MECOM: variants seen among roughly 807,000 people sequenced by gnomAD.
MECOM encodes MDS1 and EVI1 complex locus.
MECOM carries 13 observed loss-of-function variants against 116.3 expected under a neutral mutation model. That is an observed-to-expected ratio of 0.11 (90% CI 0.07 to 0.18). The LOEUF is 0.18. MECOM is among the 10% of genes least tolerant of loss of function. The pLI, the probability that MECOM is intolerant of heterozygous loss-of-function variation, is 1.00. For synonymous variants in MECOM, 528 were observed against 535.2 expected (o/e 0.99, Z 0.19); for missense variants, 1,299 against 1,509.0 (o/e 0.86, Z 2.31).
rs186737573 is a variant in MECOM at position 169,332,235 on chromosome 3, G to A, written c.375+48952C>T. 7.5e-3 allele frequency among the ~76,000 whole-genome samples: 1,144 copies of A among 152,134 alleles called. 5 individuals are homozygous for A. The highest frequency in any genetic ancestry group is 0.011 in the Non-Finnish European group (758 of 67,980). Reference sequence around the variant, plus strand: ...GAGTCTGGGGCTTTCATTATTCAGGGAAAAGGAGGGAAGAAGGAAAGGGGA... The same window carrying A: ...GAGTCTGGGGCTTTCATTATTCAGGAAAAAGGAGGGAAGAAGGAAAGGGGA... On this transcript the variant is annotated intron_variant, in intron 2 of 16. Coordinates refer to ENST00000651503, the MANE Select transcript of MECOM (RefSeq NM_004991.4).
In MECOM at chr3:169,209,402, A is replaced by C. The variant is rs375698661; in HGVS notation, c.376-65570T>G. 7.2e-5 allele frequency among the ~76,000 whole-genome samples: 11 copies of C among 152,352 alleles called. No homozygotes were observed. In the East Asian group the frequency reaches 2.1e-3, roughly 29 times the overall value. ...CTTCTACACAGCAAAAGAAACTGTC[A>C]TCAGAGTGAACAGGCAACCTACAGA... On this transcript the variant is annotated intron_variant, in intron 2 of 16. Coordinates refer to ENST00000651503, the MANE Select transcript of MECOM (RefSeq NM_004991.4).
chr3:169,411,395 T>C (rs1737532723), intron 1 of MECOM, among the ~76,000 whole-genome samples: 1 of 152,224 alleles, frequency 6.6e-6, no homozygotes, highest in South Asian at 2.1e-4. Context: ...GTTAGATATT[T>C]CATGCTATAG....
intron 2 of MECOM, among the ~76,000 whole-genome samples, chr3:169,283,824 T>A (rs1712688243): frequency 6.6e-6 from 1 of 152,194 alleles, no homozygotes; most frequent in African/African-American, 2.4e-5. Flanking sequence ...CAAAATCACC[T>A]GTATTTTTTT....
chr3:169,472,556 AAGAGAGGAGAGGAGAGGAGAGGAG>A (rs1252636631), intron 1 of MECOM, among the ~76,000 whole-genome samples: 4,662 of 79,762 alleles, frequency 0.058, 410 homozygotes, highest in Middle Eastern at 0.1. Flanking sequence ...AGGAAAAGAA[AAGAGAGGAGAGGAGAGGAGAGGAG>A]AGGAAAGGAA....
At chr3:169,427,640 A>G (rs1416218047) in intron 1 of MECOM, among the ~76,000 whole-genome samples, 24 of 152,196 alleles carry the variant, frequency 1.6e-4, no homozygotes, top group Admixed American at 1.6e-3. Context: ...AGTTTTTTGC[A>G]GCAATCTCTT....
intron 2 of MECOM, among the ~76,000 whole-genome samples, chr3:169,337,515 A>G (rs1029297446): frequency 1.2e-4 from 18 of 152,192 alleles, no homozygotes; most frequent in Non-Finnish European, 2.2e-4. Context: ...AAAAAAAATA[A>G]CTGATGGCCC....
intron 10 of MECOM, among the ~76,000 whole-genome samples, chr3:169,107,511 G>T (rs750449130): frequency 1.3e-5 from 2 of 151,680 alleles, no homozygotes; most frequent in African/African-American, 2.4e-5. Context: ...ATGTCAGCCT[G>T]TATCTACACA....
At chr3:169,410,171 G>A (rs1259020653) in intron 1 of MECOM, among the ~76,000 whole-genome samples, 1 of 152,158 alleles carries the variant, frequency 6.6e-6, no homozygotes, top group African/African-American at 2.4e-5. Context: ...AAATTACCCA[G>A]AGAATGGCCA....
intron 1 of MECOM, among the ~76,000 whole-genome samples, chr3:169,553,062 C>A (rs1387096383): frequency 1.3e-5 from 2 of 151,318 alleles, no homozygotes; most frequent in East Asian, 3.9e-4. Context: ...CTACCAGGTA[C>A]TTTTTTCAAA....
At chr3:169,174,360 A>T (rs1223830786) in intron 2 of MECOM, among the ~76,000 whole-genome samples, 2 of 152,186 alleles carry the variant, frequency 1.3e-5, no homozygotes, top group African/African-American at 4.8e-5. Context: ...TCTGGCACTG[A>T]TACATTACTA....
At chr3:169,589,579 G>A (rs983566741) in intron 1 of MECOM, among the ~76,000 whole-genome samples, 1 of 151,908 alleles carries the variant, frequency 6.6e-6, no homozygotes, top group Non-Finnish European at 1.5e-5. Context: ...CTCAGCTCTG[G>A]CATTTTATGA....
chr3:169,100,130 A>C (rs1576903656), intron 12 of MECOM, among the ~76,000 whole-genome samples: 4 of 107,002 alleles, frequency 3.7e-5, no homozygotes, highest in African/African-American at 7.6e-5. Flanking sequence ...ACAGAGTCTC[A>C]CTCTGTCACC....
At chr3:169,525,153 T>C (rs1757817171) in intron 1 of MECOM, among the ~76,000 whole-genome samples, 2 of 152,328 alleles carry the variant, frequency 1.3e-5, no homozygotes, top group Middle Eastern at 3.4e-3. Flanking sequence ...TATTCATTTT[T>C]AGAAGCTGTG....
intron 2 of MECOM, among the ~76,000 whole-genome samples, chr3:169,285,608 G>C (rs1454987837): frequency 6.6e-6 from 1 of 152,202 alleles, no homozygotes; most frequent in Admixed American, 6.5e-5. Flanking sequence ...TGGGGAAAAG[G>C]TGAAAGACGC....
chr3:169,422,879 T>A (rs1739997393), intron 1 of MECOM, among the ~76,000 whole-genome samples: 3 of 152,098 alleles, frequency 2.0e-5, no homozygotes, highest in Admixed American at 2.0e-4. Flanking sequence ...AATAAAATAC[T>A]ACCAATTTTG....
chr3:169,547,992 T>A (rs11710002), intron 1 of MECOM, among the ~76,000 whole-genome samples: 23,716 of 152,234 alleles, frequency 0.16, 2,231 homozygotes, highest in East Asian at 0.35. Context: ...CCTCCAGAAC[T>A]TTATTTACTA....
At chr3:169,282,977 C>CT (rs35288002) in intron 2 of MECOM, among the ~76,000 whole-genome samples, 5 of 151,552 alleles carry the variant, frequency 3.3e-5, no homozygotes, top group Non-Finnish European at 7.4e-5. Flanking sequence ...CTATGAGAAA[C>CT]TTTTTTTTCC....
At chr3:169,624,751 TC>T (rs1771152457) in intron 1 of MECOM, among the ~76,000 whole-genome samples, 1 of 152,182 alleles carries the variant, frequency 6.6e-6, no homozygotes, top group Non-Finnish European at 1.5e-5. Flanking sequence ...GGAACTGTTT[TC>T]CCAGACCAAA....
chr3:169,419,613 C>T (rs12487434), intron 1 of MECOM, among the ~76,000 whole-genome samples: 29,792 of 151,834 alleles, frequency 0.2, 3,543 homozygotes, highest in East Asian at 0.52. Flanking sequence ...CAACTCAAGA[C>T]GGATTAAAGA....
Sources: gnomAD v4.1 joint callset for allele counts (sites outside exome capture counted in the v4.1 genomes callset) on GRCh38, gnomAD v4.1.1 for gene constraint, MANE v1.5 for transcripts, NCBI Gene and HGNC (gene_info 2026-07-23, HGNC 2026-07-21) for gene names.